The following ZNF804B variants were observed in gnomAD, a reference collection of about 807,000 sequenced individuals.
ZNF804B encodes zinc finger 804B.
Under a neutral mutation model 101.4 loss-of-function variants are expected in ZNF804B, and 80 were observed. The ratio of observed to expected loss-of-function variants is 0.79; its 90% CI spans 0.66 to 0.95. ZNF804B has a LOEUF of 0.95. Ranked by LOEUF, ZNF804B falls within the 40% of genes least tolerant of loss-of-function variation. ZNF804B has a pLI of 0.00. For missense variants in ZNF804B, 1,673 were observed against 1,561.9 expected (o/e 1.07, Z -1.20); for synonymous variants, 622 against 558.8 (o/e 1.11, Z -1.59).
intron 1 of ZNF804B, among the ~76,000 whole-genome samples, chr7:88,901,472 T>A (rs1228687504): frequency 6.6e-6 from 1 of 151,880 alleles, no homozygotes; most frequent in Admixed American, 6.6e-5. Flanking sequence ...AGCTTGCAAA[T>A]TAGAAATAGT....
At chr7:88,778,258 C>G (rs1790174515) in intron 1 of ZNF804B, among the ~76,000 whole-genome samples, 1 of 152,174 alleles carries the variant, frequency 6.6e-6, no homozygotes, top group Non-Finnish European at 1.5e-5. Context: ...TCCTCTCATG[C>G]TGCCATCTTT....
chr7:88,887,764 G>C (rs984445745), intron 1 of ZNF804B, among the ~76,000 whole-genome samples: 2 of 148,166 alleles, frequency 1.3e-5, no homozygotes, highest in African/African-American at 5.0e-5. Context: ...AAAAAAAAAA[G>C]TGCAGATTTG....
At chr7:89,207,544 G>T (rs1049235847) in intron 1 of ZNF804B, among the ~76,000 whole-genome samples, 2 of 152,170 alleles carry the variant, frequency 1.3e-5, no homozygotes, top group Non-Finnish European at 2.9e-5. Context: ...GGTGAGATTT[G>T]GGTGGGGACA....
rs150417733 is a variant in ZNF804B, at chr7:89,256,954, T to G, written c.249+38659T>G. ...CTACATATGTTTAATACTTTTCATT[T>G]ATGATAGATATAAGAATTAAAACTT... On this transcript the variant is annotated intron_variant, in intron 2 of 3. Transcript: ENST00000333190. Among the ~76,000 whole-genome samples, 577 of 152,318 alleles carry G rather than the reference T, an allele frequency of 3.8e-3. 3 individuals carry two copies. Among genetic ancestry groups the G allele is most frequent in the African/African-American group, 0.013 (549 of 41,570 alleles).
intron 1 of ZNF804B, among the ~76,000 whole-genome samples, chr7:89,199,986 T>C (rs1269486097): frequency 6.7e-6 from 1 of 149,374 alleles, no homozygotes; most frequent in Non-Finnish European, 1.5e-5. Context: ...ATAATATACA[T>C]ATATATATTT....
chr7:89,111,795 A>C (rs1049155149), intron 1 of ZNF804B, among the ~76,000 whole-genome samples: 1 of 152,198 alleles, frequency 6.6e-6, no homozygotes, highest in Non-Finnish European at 1.5e-5. Flanking sequence ...CAACACAAAA[A>C]TGTGAATATA....
At chr7:89,017,438 G>C (rs1252363765) in intron 1 of ZNF804B, among the ~76,000 whole-genome samples, 2 of 152,186 alleles carry the variant, frequency 1.3e-5, no homozygotes, top group African/African-American at 4.8e-5. Flanking sequence ...AATGCTTCCA[G>C]TTTTTGCCCA....
intron 1 of ZNF804B, among the ~76,000 whole-genome samples, chr7:88,895,122 A>G (rs997106524): frequency 2.0e-5 from 3 of 152,238 alleles, no homozygotes; most frequent in African/African-American, 7.2e-5. Context: ...TGACCTAAGT[A>G]ATTTTGGAAA....
chr7:88,966,765 C>T (rs1793460240), intron 1 of ZNF804B, among the ~76,000 whole-genome samples: 1 of 151,208 alleles, frequency 6.6e-6, no homozygotes, highest in Admixed American at 6.6e-5. Flanking sequence ...CATACATACA[C>T]ACACACACAA....
At chr7:89,241,360 T>C (rs1053889215) in intron 2 of ZNF804B, among the ~76,000 whole-genome samples, 1 of 152,070 alleles carries the variant, frequency 6.6e-6, no homozygotes, top group African/African-American at 2.4e-5. Context: ...GGTGCTTTTT[T>C]CCTTCTCTGA....
chr7:89,088,093 C>G (rs887329805), intron 1 of ZNF804B, among the ~76,000 whole-genome samples: 1 of 151,866 alleles, frequency 6.6e-6, no homozygotes, highest in Non-Finnish European at 1.5e-5. Context: ...CACACAGTTT[C>G]TAACAGAAAG....
intron 1 of ZNF804B, among the ~76,000 whole-genome samples, chr7:89,039,178 T>C (rs904522869): frequency 3.9e-5 from 6 of 152,068 alleles, no homozygotes; most frequent in Admixed American, 2.6e-4. Context: ...ATACTACTTT[T>C]AGGAATTTTC....
intron 1 of ZNF804B, among the ~76,000 whole-genome samples, chr7:88,968,632 A>G (rs1295679192): frequency 6.6e-6 from 1 of 151,638 alleles, no homozygotes; most frequent in Non-Finnish European, 1.5e-5. Context: ...TGAATGAATA[A>G]ATCAATGCAG....
chr7:88,999,425 G>A (rs1295399664), intron 1 of ZNF804B, among the ~76,000 whole-genome samples: 1 of 151,878 alleles, frequency 6.6e-6, no homozygotes, highest in Non-Finnish European at 1.5e-5. Flanking sequence ...CTGGACTTAT[G>A]CACTGGACTT....
chr7:89,182,345 C>T (rs1788310344), intron 1 of ZNF804B, among the ~76,000 whole-genome samples: 1 of 152,032 alleles, frequency 6.6e-6, no homozygotes, highest in African/African-American at 2.4e-5. Context: ...TTTTCCTGTT[C>T]ATAAAAAGAT....
rs572981039 is a variant in ZNF804B, at chr7:88,874,681, G to A, written c.108+114597G>A. Among the ~76,000 whole-genome samples the A allele has an allele frequency of 9.5e-3, 1,444 of 152,138 alleles. 19 individuals are homozygous for A. The highest frequency in any genetic ancestry group is 0.01 in the Non-Finnish European group (682 of 68,002). On this transcript the variant is annotated intron_variant, in intron 1 of 3. Coordinates refer to ENST00000333190, the MANE Select transcript of ZNF804B (RefSeq NM_181646.5). ...ATTTATTGAGAGTTTTTAGCATGAA[G>A]GGCTGTTGAATTTTGTCAAAGGCCT...
chr7:89,085,624 A>C (rs375322904), intron 1 of ZNF804B, among the ~76,000 whole-genome samples: 1 of 151,912 alleles, frequency 6.6e-6, no homozygotes, highest in Non-Finnish European at 1.5e-5. Flanking sequence ...ACCTCATTCC[A>C]TATGCCTTAC....
intron 2 of ZNF804B, among the ~76,000 whole-genome samples, chr7:89,327,013 A>C (rs1032366123): frequency 1.3e-5 from 2 of 151,978 alleles, no homozygotes; most frequent in Non-Finnish European, 2.9e-5. Context: ...GCCTCCCTTC[A>C]TACTCATTCA....
chr7:88,983,289 G>T lies in ZNF804B; in HGVS notation c.108+223205G>T, dbSNP rs146516660. Among the ~76,000 whole-genome samples the T allele has an allele frequency of 3.1e-3, 466 of 152,204 alleles. 2 individuals are homozygous for T. Among genetic ancestry groups the T allele is most frequent in the African/African-American group, 0.011 (441 of 41,558 alleles). On this transcript the variant is annotated intron_variant, in intron 1 of 3. Transcript: ENST00000333190. ...GTGCCCATTAAAATTTGAGAAGTTT[G>T]CTGTTATAGACTAGTGGTTCCTAAA...
Sources: allele counts gnomAD v4.1 joint callset (sites outside exome capture counted in the v4.1 genomes callset), GRCh38; gene constraint gnomAD v4.1.1; transcripts MANE v1.5; gene names NCBI Gene and HGNC (gene_info 2026-07-23, HGNC 2026-07-21).